Variants in YPEL1 observed in about 807,000 individuals in gnomAD.
YPEL1 encodes the protein protein yippee-like 1.
Under a neutral mutation model 17.3 loss-of-function variants are expected in YPEL1, and 7 were observed. The ratio of observed to expected loss-of-function variants is 0.40; its 90% confidence interval spans 0.23 to 0.76. The LOEUF (loss-of-function observed/expected upper bound fraction) is 0.76. Ranked by LOEUF, YPEL1 falls within the 30% of genes least tolerant of loss-of-function variation. The pLI is 0.35. For missense variants in YPEL1, 91 were observed against 155.5 expected (o/e 0.59, Z 2.21); for synonymous variants, 59 against 59.6 (o/e 0.99, Z 0.05).
rs369692775 is a variant in YPEL1 at position 21,710,794 on chromosome 22, T to C, written c.-50A>G. The C allele has an allele frequency of 3.5e-5, 52 of 1,485,236 alleles. No homozygotes were observed. In the African/African-American group the frequency reaches 6.5e-4, roughly 19 times the overall value. 92.0% of individuals were successfully genotyped at this position (1,485,236 alleles called of 1,614,324 possible). A position where few individuals can be genotyped will look rare whatever the true frequency, so the allele number is the denominator to read the frequency against. ...CTCAGGGCTGGTTCTGGAAGAACCG[T>C]GGCTCTGCTGGCCTCTCTGACAAAA... On this transcript the variant is annotated 5_prime_UTR_variant, in exon 2 of 5. Transcript: ENST00000339468.
intron 1 of YPEL1, among the ~76,000 whole-genome samples, chr22:21,721,941 T>C (rs1176411233): frequency 6.6e-6 from 1 of 152,208 alleles, no homozygotes; most frequent in East Asian, 1.9e-4. Flanking sequence ...TTGACTTCTC[T>C]AGATACCTCA....
At chr22:21,730,191 A>T (rs1357871293) in intron 1 of YPEL1, among the ~76,000 whole-genome samples, 1 of 151,984 alleles carries the variant, frequency 6.6e-6, no homozygotes, top group Non-Finnish European at 1.5e-5. Flanking sequence ...ACCAAAAGAG[A>T]CTGGCCAAAT....
intron 1 of YPEL1, among the ~76,000 whole-genome samples, chr22:21,718,783 TACACAC>T (rs10664985): frequency 4.7e-5 from 7 of 150,064 alleles, no homozygotes; most frequent in Non-Finnish European, 1.0e-4. Context: ...CACGTGTAAA[TACACAC>T]ACACACACAC....
chr22:21,710,608 T>G lies in YPEL1; in HGVS notation c.117+20A>C. 1.3e-6 allele frequency: 2 copies of G among 1,597,194 alleles called. No individual in the cohort carries two copies. The highest frequency in any genetic ancestry group is 1.7e-6 in the Non-Finnish European group (2 of 1,164,510). On this transcript the variant is annotated intron_variant, in intron 2 of 4. Coordinates refer to ENST00000339468, the MANE Select transcript of YPEL1 (RefSeq NM_013313.5). ...ACAGATAATCATTGTGCCATCAATT[T>G]TTTGGCATAAGCCACTTGCCTTGGA...
intron 1 of YPEL1, among the ~76,000 whole-genome samples, chr22:21,717,248 T>C (rs1166247998): frequency 1.3e-5 from 2 of 151,814 alleles, no homozygotes; most frequent in Non-Finnish European, 1.5e-5. Context: ...TGGTGGTGTC[T>C]GCCTGTAGTC....
At chr22:21,732,487 A>T (rs2068397435) in intron 1 of YPEL1, among the ~76,000 whole-genome samples, 1 of 152,208 alleles carries the variant, frequency 6.6e-6, no homozygotes, top group African/African-American at 2.4e-5. Flanking sequence ...AAATATGTTA[A>T]AACTACAGGG....
intron 2 of YPEL1, among the ~76,000 whole-genome samples, chr22:21,707,915 C>T (rs2148599113): frequency 6.6e-6 from 1 of 152,322 alleles, no homozygotes; most frequent in Non-Finnish European, 1.5e-5. Context: ...TTTGCATAAA[C>T]AGGTGGTGTG....
At chr22:21,708,573 C>G (rs896226902) in intron 2 of YPEL1, among the ~76,000 whole-genome samples, 3 of 151,686 alleles carry the variant, frequency 2.0e-5, no homozygotes, top group Admixed American at 6.6e-5. Flanking sequence ...CTCCTGACCT[C>G]AAGTGATCCA....
At position 21,717,508 on chromosome 22, in the gene YPEL1, G is replaced by A. The variant is rs192646771; in HGVS notation, c.-164-6600C>T. Among the ~76,000 whole-genome samples the A allele has an allele frequency of 3.9e-4, 60 of 152,200 alleles. 1 individual carries two copies. Among genetic ancestry groups the A allele is most frequent in the African/African-American group, 1.3e-3 (53 of 41,524 alleles). On this transcript the variant is annotated intron_variant, in intron 1 of 4. Coordinates refer to ENST00000339468, the MANE Select transcript of YPEL1 (RefSeq NM_013313.5). ...TGAGGCAAGAAGAAAATGGGGTAGAGGCGCTTTGTGAATAATTGATGATTG... is the reference window on the plus strand; with the variant it reads ...TGAGGCAAGAAGAAAATGGGGTAGAAGCGCTTTGTGAATAATTGATGATTG...
rs2068046925 is a variant in YPEL1 at position 21,699,850 on chromosome 22, T to C, written c.*1279A>G. 6.6e-6 allele frequency: 1 copy of C among 152,630 alleles called. No homozygotes were observed. Among genetic ancestry groups the C allele is most frequent in the Non-Finnish European group, 1.5e-5 (1 of 68,062 alleles). The allele number at this position is 152,630 out of a possible 1,614,324, so 9.5% of individuals were successfully genotyped here. A position where few individuals can be genotyped will look rare whatever the true frequency, so the allele number is the denominator to read the frequency against. On this transcript the variant is annotated 3_prime_UTR_variant, in exon 5 of 5. Coordinates refer to ENST00000339468, the MANE Select transcript of YPEL1 (RefSeq NM_013313.5). ...CTCAGCAACTGCCTGACACCTAAGC[T>C]GCTGTCACTGCTGAGGGCACAACCC...
At chr22:21,717,542 C>T (rs147092011) in intron 1 of YPEL1, among the ~76,000 whole-genome samples, 116 of 152,052 alleles carry the variant, frequency 7.6e-4, no homozygotes, top group African/African-American at 2.6e-3. Flanking sequence ...TGTGGATTCT[C>T]CAGAATTAAG....
intron 2 of YPEL1, among the ~76,000 whole-genome samples, chr22:21,704,531 C>T (rs933967088): frequency 8.6e-5 from 13 of 151,966 alleles, no homozygotes; most frequent in Non-Finnish European, 1.9e-4. Context: ...GTGGCGGGCA[C>T]CAGTAACCCC....
At chr22:21,708,997 TTGA>T (rs2068140435) in intron 2 of YPEL1, among the ~76,000 whole-genome samples, 1 of 152,156 alleles carries the variant, frequency 6.6e-6, no homozygotes, top group Admixed American at 6.5e-5. Flanking sequence ...AAACAGCTCA[TTGA>T]TGACCTCCAG....
intron 2 of YPEL1, among the ~76,000 whole-genome samples, chr22:21,707,793 ACTC>A (rs2068127898): frequency 2.0e-5 from 3 of 152,058 alleles, no homozygotes; most frequent in Non-Finnish European, 2.9e-5. Context: ...GCGCCAGCAA[ACTC>A]CTCCTGTAAA....
At chr22:21,707,283 G>C (rs946605845) in intron 2 of YPEL1, among the ~76,000 whole-genome samples, 3 of 152,090 alleles carry the variant, frequency 2.0e-5, no homozygotes, top group African/African-American at 7.2e-5. Flanking sequence ...CTGGTGTGGT[G>C]GCGCACACCT....
chr22:21,717,138 G>T (rs931349743), intron 1 of YPEL1, among the ~76,000 whole-genome samples: 22 of 106,780 alleles, frequency 2.1e-4, no homozygotes, highest in African/African-American at 5.5e-4. Flanking sequence ...GGCCGGGGCT[G>T]GGGGGGCGGG....
Position 21,701,218 on chromosome 22 carries a change from C to T in YPEL1, c.271G>A (p.Glu91Lys). 1.2e-6 allele frequency: 2 copies of T among 1,612,606 alleles called. No homozygotes were observed. The highest frequency in any genetic ancestry group is 1.7e-6 in the Non-Finnish European group (2 of 1,178,914). The change falls in exon 5 of 5, where the codon GAG becomes AAG. Residue 91 changes from glutamate to lysine, a missense_variant and splice_region_variant. Transcript: ENST00000339468. ...NCKTTLGWKYEHAFESSQKYK... is the reference protein window; with the variant it reads ...NCKTTLGWKYKHAFESSQKYK... The stretch of plus-strand genomic sequence containing the variant: ...TTCTGACTGCTCTCAAAGGCATGCT[C>T]CTTGAAAAAGAAGAGACAAAGGTTT...
At chr22:21,718,422 A>G (rs1448106491) in intron 1 of YPEL1, among the ~76,000 whole-genome samples, 2 of 151,844 alleles carry the variant, frequency 1.3e-5, no homozygotes, top group Non-Finnish European at 2.9e-5. Context: ...CTGAGATCGC[A>G]CCACTGCACT....
intron 1 of YPEL1, among the ~76,000 whole-genome samples, chr22:21,731,471 A>G (rs918577209): frequency 6.0e-5 from 9 of 149,358 alleles, no homozygotes; most frequent in Non-Finnish European, 1.2e-4. Flanking sequence ...AAACTACTTT[A>G]TTTACCCTCA....
Sources: allele counts gnomAD v4.1 joint callset (sites outside exome capture counted in the v4.1 genomes callset), GRCh38; gene constraint gnomAD v4.1.1; transcripts MANE v1.5; gene names NCBI Gene and HGNC (gene_info 2026-07-23, HGNC 2026-07-21).